C8A: variants seen among roughly 807,000 people sequenced by gnomAD.
The protein encoded by C8A is complement C8 alpha chain.
Under a neutral mutation model 65.3 loss-of-function variants are expected in C8A, and 67 were observed. The ratio of observed to expected loss-of-function variants is 1.03; its 90% CI spans 0.84 to 1.26. The LOEUF is 1.26. C8A is among the 50% of genes most tolerant of loss of function. C8A has a pLI of 0.00. For missense variants in C8A, 781 were observed against 723.9 expected, an observed-to-expected ratio of 1.08 and a Z score of -0.90; for synonymous variants, 290 against 259.4, an observed-to-expected ratio of 1.12 and a Z score of -1.13.
Position 56,917,662 on chromosome 1 carries a change from T to G in C8A, c.1701T>G (p.Pro567=), listed in dbSNP as rs762442723. The part of the protein sequence containing the change: ...ERRRECDNPA[P]QNGGASCPGR... The stretch of plus-strand genomic sequence containing the variant: ...GAAGAGAGTGTGACAATCCAGCACC[T>G]CAGAATGGAGGGGCCTCGTGTCCAG... Residue 567 remains proline, a synonymous_variant, in exon 11 of 11, where the codon CCT becomes CCG. Transcript: ENST00000361249. The G allele has an allele frequency of 1.3e-5, 21 of 1,614,004 alleles. No homozygotes were observed. In the Admixed American group the frequency reaches 2.2e-4, roughly 17 times the overall value.
chr1:56,899,362 C>G (rs1043877047), intron 7 of C8A, among the ~76,000 whole-genome samples: 1 of 152,182 alleles, frequency 6.6e-6, no homozygotes, highest in Non-Finnish European at 1.5e-5. Context: ...GGTCTTTGGA[C>G]ACAGGCCTTG....
chr1:56,895,086 G>C (rs944196142), intron 7 of C8A, among the ~76,000 whole-genome samples: 1 of 152,106 alleles, frequency 6.6e-6, no homozygotes, highest in African/African-American at 2.4e-5. Flanking sequence ...GAAATCCAAA[G>C]AGGTTAAGTA....
At chr1:56,855,030 G>A (rs750395071) in intron 1 of C8A, 52 bp downstream of exon 1, 10 of 1,340,536 alleles carry the variant, frequency 7.5e-6, no homozygotes, top group Non-Finnish European at 1.1e-5. Flanking sequence ...TCACCTGCTG[G>A]GGAACTAAGA....
Position 56,889,489 on chromosome 1 carries a change from G to A in C8A, c.1096+3322G>A, listed in dbSNP as rs548300250. On this transcript the variant is annotated intron_variant, in intron 7 of 10. Transcript: ENST00000361249. ...CTCTCTGTCTTATTCTCTTCCCCTC[G>A]GTCTCATTCCGTTTCTTTCTAGGTA... 1.1e-4 allele frequency among the ~76,000 whole-genome samples: 16 copies of A among 151,528 alleles called. No individual in the cohort carries two copies. In the East Asian group the frequency reaches 1.4e-3, roughly 13 times the overall value.
intron 2 of C8A, among the ~76,000 whole-genome samples, chr1:56,874,359 C>A (rs1227538128): frequency 6.6e-6 from 1 of 152,120 alleles, no homozygotes; most frequent in Admixed American, 6.6e-5. Context: ...GGAGATATAT[C>A]TCCAAAGAAA....
intron 7 of C8A, among the ~76,000 whole-genome samples, chr1:56,903,619 T>C (rs754434765): frequency 6.6e-6 from 1 of 152,208 alleles, no homozygotes; most frequent in African/African-American, 2.4e-5. Flanking sequence ...TGAGTAGATA[T>C]GATGGAACTG....
chr1:56,862,579 T>C (rs1354362466), intron 1 of C8A, among the ~76,000 whole-genome samples: 1 of 152,158 alleles, frequency 6.6e-6, no homozygotes, highest in African/African-American at 2.4e-5. Flanking sequence ...ACTGGTACTC[T>C]GCAGGGTACA....
At chr1:56,880,516 A>G (rs1644239125) in intron 4 of C8A, among the ~76,000 whole-genome samples, 1 of 152,166 alleles carries the variant, frequency 6.6e-6, no homozygotes, top group Non-Finnish European at 1.5e-5. Context: ...TCATACAGCT[A>G]GTAAGTGGCA....
intron 5 of C8A, among the ~76,000 whole-genome samples, chr1:56,882,318 A>G (rs1161950074): frequency 6.6e-6 from 1 of 152,122 alleles, no homozygotes; most frequent in Admixed American, 6.6e-5. Flanking sequence ...AATGCTTAAC[A>G]TGTGTCAGAT....
At chr1:56,886,390 G>A (rs1486948991) in intron 7 of C8A, among the ~76,000 whole-genome samples, 1 of 152,130 alleles carries the variant, frequency 6.6e-6, no homozygotes, top group Non-Finnish European at 1.5e-5. Flanking sequence ...GACTTGTCTA[G>A]CCCCCTAAAA....
chr1:56,909,318 A>G (rs1014225991), intron 9 of C8A, among the ~76,000 whole-genome samples: 16 of 152,226 alleles, frequency 1.1e-4, no homozygotes, highest in African/African-American at 3.9e-4. Flanking sequence ...AGATATGGAT[A>G]TAGTCCTCCT....
chr1:56,867,065 A>C (rs1019030447), intron 1 of C8A, among the ~76,000 whole-genome samples: 3 of 152,212 alleles, frequency 2.0e-5, no homozygotes, highest in Non-Finnish European at 4.4e-5. Flanking sequence ...ATAGAGATTA[A>C]ATGAGATAAT....
intron 10 of C8A, among the ~76,000 whole-genome samples, chr1:56,912,974 T>C (rs1037940575): frequency 5.9e-5 from 9 of 152,224 alleles, no homozygotes; most frequent in Non-Finnish European, 4.4e-5. Flanking sequence ...CTCTGGAAGC[T>C]AGAAGTCCAA....
intron 7 of C8A, among the ~76,000 whole-genome samples, chr1:56,890,798 T>C (rs991435054): frequency 1.4e-4 from 21 of 152,146 alleles, no homozygotes; most frequent in African/African-American, 5.1e-4. Context: ...TGGGCCTCCT[T>C]AAGCATCACC....
intron 1 of C8A, among the ~76,000 whole-genome samples, chr1:56,860,315 G>A (rs1472830562): frequency 6.6e-6 from 1 of 152,130 alleles, no homozygotes; most frequent in African/African-American, 2.4e-5. Flanking sequence ...AAGGATGGGA[G>A]CAACATGAAA....
chr1:56,905,955 T>C (rs1012203417), intron 7 of C8A, among the ~76,000 whole-genome samples: 15 of 152,210 alleles, frequency 9.9e-5, no homozygotes, highest in African/African-American at 3.6e-4. Flanking sequence ...ATCTACAAAA[T>C]GCAGGTTCCT....
At position 56,885,957 on chromosome 1, in the gene C8A, G is replaced by A; in HGVS notation, c.886G>A (p.Val296Met). 6.2e-7 allele frequency: 1 copy of A among 1,613,952 alleles called. No homozygotes were observed. Among genetic ancestry groups the A allele is most frequent in the Non-Finnish European group, 8.5e-7 (1 of 1,179,922 alleles). ...KFIFTRIFTKVQTAHFKMRKD... is the reference protein window; with the variant it reads ...KFIFTRIFTKMQTAHFKMRKD... ...CATTTTCACAAGAATCTTCACAAAG[G>A]TGCAGACTGCACATTTTAAGATGAG... The change falls in exon 7 of 11, where the codon GTG becomes ATG. Residue 296 changes from valine (V) to methionine (M), a missense_variant. Val to Met is a conservative substitution (Grantham distance 21). Coordinates refer to ENST00000361249, the MANE Select transcript of C8A (RefSeq NM_000562.3).
intron 6 of C8A, 90 bp from the exon 7 acceptor site, chr1:56,885,837 A>G: frequency 6.4e-7 from 1 of 1,574,314 alleles, no homozygotes; most frequent in Non-Finnish European, 8.7e-7. Context: ...GGCATGAGCC[A>G]CTGCACCCAG....
Position 56,912,570 on chromosome 1 carries a change from G to A in C8A, c.1548G>A (p.Arg516=), listed in dbSNP as rs376060059. 19 of 1,614,122 alleles carry A rather than the reference G, an allele frequency of 1.2e-5. No individual in the cohort carries two copies. The highest frequency in any genetic ancestry group is 1.5e-5 in the Non-Finnish European group (18 of 1,180,058). ...CCATCCTCGAGGGCACCAGCTGCAG[G>A]TGCCAGTGCCGCCTGGGTAGCTTGG... ...GVPILEGTSC[R]CQCRLGSLGA... is the part of the protein sequence containing the mutation. The change falls in exon 10 of 11, where the codon AGG becomes AGA. Residue 516 remains arginine (R), a synonymous_variant. Coordinates refer to ENST00000361249, the MANE Select transcript of C8A (RefSeq NM_000562.3).
Sources: allele counts gnomAD v4.1 joint callset (sites outside exome capture counted in the v4.1 genomes callset), GRCh38; gene constraint gnomAD v4.1.1; transcripts MANE v1.5; gene names NCBI Gene and HGNC (gene_info 2026-07-23, HGNC 2026-07-21).